RARB: variants seen among roughly 807,000 people sequenced by gnomAD.
RARB encodes retinoic acid receptor beta.
In RARB, 17 loss-of-function variants were observed where a neutral mutation model predicts 51.9. The ratio of observed to expected loss-of-function variants is 0.33; its 90% confidence interval spans 0.22 to 0.49. The LOEUF (loss-of-function observed/expected upper bound fraction) is 0.49. Ranked by LOEUF, RARB falls within the 20% of genes least tolerant of loss-of-function variation. The pLI is 0.99. For missense variants in RARB, 369 were observed against 550.8 expected (o/e 0.67, Z 3.30); for synonymous variants, 215 against 195.4 (o/e 1.10, Z -0.84).
In RARB at chr3:25,569,757, G is replaced by A; in HGVS notation, c.449-1G>A. 6.2e-7 allele frequency: 1 copy of A among 1,613,096 alleles called. No homozygotes were observed. Among genetic ancestry groups the A allele is most frequent in the Non-Finnish European group, 8.5e-7 (1 of 1,179,588 alleles). ...TGATGTGCCTTCTCTCTCGTTTCCA[G>A]CTGTCAGGAATGACAGGAACAAGAA... On this transcript the variant is annotated splice_acceptor_variant, in intron 3 of 7. Coordinates refer to ENST00000330688, the MANE Select transcript of RARB (RefSeq NM_000965.5). LOFTEE classifies it high-confidence loss of function.
rs200539714 is a variant in RARB at position 25,593,718 on chromosome 3, T to C, written c.991+11T>C. 549 of 1,609,078 alleles carry C rather than the reference T, an allele frequency of 3.4e-4. No individual in the cohort carries two copies. Among genetic ancestry groups the C allele is most frequent in the Non-Finnish European group, 1.9e-4 (226 of 1,175,710 alleles). ...GCTTAATCTGTGGAGGTACCAACTA[T>C]GTAGAAAAGCCTCATGAAATTCCAT... On this transcript the variant is annotated intron_variant, in intron 6 of 7. Coordinates refer to ENST00000330688, the MANE Select transcript of RARB (RefSeq NM_000965.5).
chr3:25,573,644 T>C (rs1411693700), intron 4 of RARB, among the ~76,000 whole-genome samples: 1 of 152,222 alleles, frequency 6.6e-6, no homozygotes, highest in East Asian at 1.9e-4. Context: ...ACAGCAGCCA[T>C]AACACATTCT....
Position 25,549,568 on chromosome 3 carries a change from A to G in RARB, c.449-20190A>G, listed in dbSNP as rs549030919. Among the ~76,000 whole-genome samples, 3 of 152,282 alleles carry G rather than the reference A, an allele frequency of 2.0e-5. No homozygotes were observed. The South Asian group carries it at 6.2e-4, about 32-fold the overall frequency. The stretch of plus-strand genomic sequence containing the variant: ...TGTTTGGTTAATCAGATCATGAAAG[A>G]CCATAACCCTCTGTACTGGGGGCTG... On this transcript the variant is annotated intron_variant, in intron 3 of 7. Coordinates refer to ENST00000330688, the MANE Select transcript of RARB (RefSeq NM_000965.5).
intron 2 of RARB, among the ~76,000 whole-genome samples, chr3:25,025,601 A>C (rs1296862135): frequency 6.6e-6 from 1 of 152,196 alleles, no homozygotes; most frequent in Admixed American, 6.5e-5. Context: ...AGGTATTACA[A>C]ATGAACAAAG....
intron 5 of RARB, among the ~76,000 whole-genome samples, 188 bp downstream of exon 5, chr3:25,580,910 C>G (rs1315317201): frequency 1.3e-5 from 2 of 152,158 alleles, no homozygotes; most frequent in Admixed American, 6.5e-5. Context: ...GGCTGAATTC[C>G]CATCCCTCAG....
chr3:25,084,846 T>C (rs991855448), intron 3 of RARB, among the ~76,000 whole-genome samples: 1 of 152,014 alleles, frequency 6.6e-6, no homozygotes, highest in Non-Finnish European at 1.5e-5. Flanking sequence ...TCAATTTATT[T>C]TGAGTACATT....
At chr3:25,299,625 G>A (rs547655842) in intron 5 of RARB, among the ~76,000 whole-genome samples, 7 of 152,032 alleles carry the variant, frequency 4.6e-5, no homozygotes, top group South Asian at 4.2e-4. Flanking sequence ...TTAAAAAGAC[G>A]GTTATTTTTA....
intron 2 of RARB, among the ~76,000 whole-genome samples, chr3:24,971,828 A>G (rs760883043): frequency 5.3e-5 from 8 of 151,988 alleles, no homozygotes; most frequent in Non-Finnish European, 1.2e-4. Context: ...AAATTTTGTG[A>G]TTCTATGACA....
upstream of RARB, among the ~76,000 whole-genome samples, chr3:25,423,401 A>G (rs1200440993): frequency 6.6e-6 from 1 of 152,254 alleles, no homozygotes; most frequent in Non-Finnish European, 1.5e-5. Flanking sequence ...AGGTAGTTCT[A>G]TATGTATTAT....
At chr3:25,594,878 ATTATC>A (rs1267670341) in intron 7 of RARB, among the ~76,000 whole-genome samples, 200 bp downstream of exon 7, 1 of 151,854 alleles carries the variant, frequency 6.6e-6, no homozygotes, top group Non-Finnish European at 1.5e-5. Context: ...ACCCTATTCA[ATTATC>A]TTAACGATTG....
chr3:24,925,474 C>A (rs1695299255), intron 2 of RARB, among the ~76,000 whole-genome samples: 1 of 151,680 alleles, frequency 6.6e-6, no homozygotes, highest in Non-Finnish European at 1.5e-5. Flanking sequence ...AAAACCCTGT[C>A]TCTACAATAA....
chr3:25,161,442 G>C (rs1700471596), intron 4 of RARB, among the ~76,000 whole-genome samples: 1 of 152,046 alleles, frequency 6.6e-6, no homozygotes, highest in African/African-American at 2.4e-5. Context: ...GGAACCTGTG[G>C]GGGCCATTCT....
chr3:25,346,095 A>G (rs1347302456), intron 5 of RARB: 1 of 154,462 alleles, frequency 6.5e-6, no homozygotes, highest in Non-Finnish European at 1.4e-5. Context: ...TGGCCAAAGC[A>G]AGGACAGCTG....
intron 2 of RARB, among the ~76,000 whole-genome samples, chr3:24,936,586 A>G (rs1695553210): frequency 6.6e-6 from 1 of 152,226 alleles, no homozygotes; most frequent in Admixed American, 6.5e-5. Flanking sequence ...AACATGAGAA[A>G]GAGGGAAAGA....
At chr3:24,911,894 T>C (rs757012776) in intron 2 of RARB, among the ~76,000 whole-genome samples, 7 of 152,380 alleles carry the variant, frequency 4.6e-5, no homozygotes, top group Middle Eastern at 6.8e-3. Flanking sequence ...TCTTGTGATA[T>C]TCTCTCAGAA....
At chr3:25,161,508 T>C (rs1049278054) in intron 4 of RARB, among the ~76,000 whole-genome samples, 3 of 152,136 alleles carry the variant, frequency 2.0e-5, no homozygotes, top group African/African-American at 7.2e-5. Context: ...GTCCTTTTAA[T>C]GTTAATGTAG....
intron 5 of RARB, among the ~76,000 whole-genome samples, chr3:25,241,861 G>T (rs555877582): frequency 2.0e-5 from 3 of 152,312 alleles, no homozygotes; most frequent in African/African-American, 7.2e-5. Flanking sequence ...GGTATTTCTA[G>T]TTCTAGATCC....
At chr3:25,401,249 C>T (rs1408336365) in intron 5 of RARB, among the ~76,000 whole-genome samples, 1 of 152,130 alleles carries the variant, frequency 6.6e-6, no homozygotes, top group Admixed American at 6.6e-5. Context: ...GAAACTTTCT[C>T]TCCAGTCAGC....
At chr3:24,907,998 G>A (rs1305032479) in intron 2 of RARB, among the ~76,000 whole-genome samples, 1 of 152,128 alleles carries the variant, frequency 6.6e-6, no homozygotes, top group Non-Finnish European at 1.5e-5. Flanking sequence ...AAGGTCACCG[G>A]AGTGAGGGGG....
Sources: allele counts gnomAD v4.1 joint callset (sites outside exome capture counted in the v4.1 genomes callset), GRCh38; gene constraint gnomAD v4.1.1; transcripts MANE v1.5; gene names NCBI Gene and HGNC (gene_info 2026-07-23, HGNC 2026-07-21).